Variants in WDR93 observed in about 807,000 individuals in gnomAD.
WDR93 encodes the protein WD repeat domain 93, also known as WD repeat-containing protein 93.
A neutral mutation model predicts 82.9 loss-of-function variants in WDR93; 73 were observed. That is an observed-to-expected ratio of 0.88 (90% CI 0.73 to 1.07). WDR93 has a LOEUF of 1.07. Ranked by LOEUF, WDR93 falls within the 50% of genes least tolerant of loss-of-function variation. The probability of loss-of-function intolerance (pLI) is 0.00; values close to 1 mark genes in which losing one functional copy is unlikely to be tolerated. For missense variants in WDR93, 738 were observed against 826.0 expected, an observed-to-expected ratio of 0.89 and a Z score of 1.31; for synonymous variants, 283 against 300.1, an observed-to-expected ratio of 0.94 and a Z score of 0.59.
intron 6 of WDR93, 49 bp from the exon 7 acceptor site, chr15:89,716,862 A>G: frequency 7.5e-7 from 1 of 1,333,044 alleles, no homozygotes; most frequent in Non-Finnish European, 1.1e-6. Context: ...AGGGGGTGGT[A>G]AACATACATC....
intron 8 of WDR93, among the ~76,000 whole-genome samples, chr15:89,723,063 G>A (rs186114261): frequency 5.3e-5 from 8 of 151,928 alleles, no homozygotes; most frequent in Admixed American, 1.3e-4. Flanking sequence ...AAATTAGGCA[G>A]AGTGGCATGC....
chr15:89,714,906 A>T (rs959949369), intron 5 of WDR93, 74 bp from the exon 6 acceptor site: 2 of 1,292,672 alleles, frequency 1.5e-6, no homozygotes, highest in Non-Finnish European at 2.2e-6. Flanking sequence ...TCTAAGAAGA[A>T]GACAGGCCAT....
intron 11 of WDR93, among the ~76,000 whole-genome samples, chr15:89,730,611 G>A (rs1966851394): frequency 6.6e-6 from 1 of 152,126 alleles, no homozygotes; most frequent in South Asian, 2.1e-4. Flanking sequence ...AATTTATGGA[G>A]GTGACCAGGT....
At chr15:89,725,147 G>A (rs1286394209) in intron 8 of WDR93, among the ~76,000 whole-genome samples, 1 of 152,216 alleles carries the variant, frequency 6.6e-6, no homozygotes, top group African/African-American at 2.4e-5. Flanking sequence ...AATGGTGATA[G>A]TGACATGATT....
rs143108236 is a variant in WDR93, at chr15:89,715,020, G to C, written c.681G>C (p.Lys227Asn). Residue 227 changes from lysine (K) to asparagine (N), a missense_variant, in exon 6 of 17, where the codon AAG (lysine) becomes AAC (asparagine). Coordinates refer to ENST00000268130, the MANE Select transcript of WDR93 (RefSeq NM_020212.2). ...GGCTGGATGTGTATAAATTGCCCAAGGAGACTTGGCTCAAGAAACTAGAGC... is the reference window on the plus strand; with the variant it reads ...GGCTGGATGTGTATAAATTGCCCAACGAGACTTGGCTCAAGAAACTAGAGC... ...DIWLDVYKLP[K>N]ETWLKKLEHP... 1.9e-5 allele frequency: 31 copies of C among 1,613,926 alleles called. No individual in the cohort carries two copies. The highest frequency in any genetic ancestry group is 2.3e-5 in the Non-Finnish European group (27 of 1,179,982).
chr15:89,742,646 G>A (rs886964315), intron 16 of WDR93, among the ~76,000 whole-genome samples: 110 of 152,112 alleles, frequency 7.2e-4, no homozygotes, highest in African/African-American at 2.6e-3. Flanking sequence ...CGATTCTCCT[G>A]CCTCAGCCTC....
intron 4 of WDR93, 52 bp from the exon 5 acceptor site, chr15:89,711,973 CA>C: frequency 6.9e-7 from 1 of 1,458,214 alleles, no homozygotes; most frequent in Non-Finnish European, 9.6e-7. Flanking sequence ...TCCTGAAATA[CA>C]TTCTCTGTCA....
chr15:89,718,531 G>A (rs1966366486), intron 7 of WDR93, among the ~76,000 whole-genome samples: 1 of 152,146 alleles, frequency 6.6e-6, no homozygotes, highest in Non-Finnish European at 1.5e-5. Context: ...AAAAGACTGA[G>A]GTGGGTGGAT....
chr15:89,731,433 T>C lies in WDR93; in HGVS notation c.1211-10T>C. On this transcript the variant is annotated splice_polypyrimidine_tract_variant and intron_variant, in intron 11 of 16. Transcript: ENST00000268130. The stretch of plus-strand genomic sequence containing the variant: ...TGGGGGAACCGGTTGAGTATTGTCC[T>C]TCCCCCTAGACCCCGAGGGTGTGTG... 1 of 1,613,968 alleles carries C rather than the reference T, an allele frequency of 6.2e-7. No homozygotes were observed. Among genetic ancestry groups the C allele is most frequent in the South Asian group, 1.1e-5 (1 of 91,060 alleles).
chr15:89,729,711 G>A lies in WDR93; in HGVS notation c.1152G>A (p.Trp384Ter), dbSNP rs1327208161. 2 of 1,613,010 alleles carry A rather than the reference G, an allele frequency of 1.2e-6. No homozygotes were observed. Among genetic ancestry groups the A allele is most frequent in the Non-Finnish European group, 1.7e-6 (2 of 1,179,902 alleles). Residue 384 changes from tryptophan to a stop codon, truncating the protein, a stop_gained, in exon 11 of 17, where the codon TGG becomes TGA. Coordinates refer to ENST00000268130, the MANE Select transcript of WDR93 (RefSeq NM_020212.2). LOFTEE classifies it high-confidence loss of function. The part of the protein sequence containing the change: ...SGMACVLGIH[W>*]TRSHNFFLYS... ...TGGCCTGTGTCCTTGGTATACACTG[G>A]ACCAGAAGTCACAATTTCTTCCTGT...
chr15:89,735,245 A>T (rs1967068618), intron 13 of WDR93, among the ~76,000 whole-genome samples: 1 of 152,180 alleles, frequency 6.6e-6, no homozygotes, highest in Non-Finnish European at 1.5e-5. Flanking sequence ...ATACATGTTG[A>T]TGCATGTAGC....
chr15:89,724,803 G>A (rs1435122029), intron 8 of WDR93, among the ~76,000 whole-genome samples: 2 of 152,178 alleles, frequency 1.3e-5, no homozygotes, highest in Non-Finnish European at 2.9e-5. Context: ...TAAAAAGACT[G>A]ACCACACCAA....
rs550351310 is a variant in WDR93 at position 89,740,783 on chromosome 15, T to C, written c.1962-2509T>C. Reference sequence around the variant, plus strand: ...TGCCAAAGTGGTGGGATTACAGACATGAGCCACCACGCCTGGCCTGATTTT... The same window carrying C: ...TGCCAAAGTGGTGGGATTACAGACACGAGCCACCACGCCTGGCCTGATTTT... On this transcript the variant is annotated intron_variant, in intron 16 of 16. Coordinates refer to ENST00000268130, the MANE Select transcript of WDR93 (RefSeq NM_020212.2). Among the ~76,000 whole-genome samples the C allele has an allele frequency of 8.6e-5, 13 of 151,956 alleles. No individual in the cohort carries two copies. In the East Asian group the frequency reaches 1.4e-3, roughly 16 times the overall value.
chr15:89,708,649 C>T (rs1000932810), intron 4 of WDR93, among the ~76,000 whole-genome samples: 5 of 152,186 alleles, frequency 3.3e-5, no homozygotes, highest in Non-Finnish European at 7.3e-5. Context: ...TGTATTTGGA[C>T]ACAGACAGTC....
In WDR93 at chr15:89,727,144, A is replaced by G. The variant is rs776167301; in HGVS notation, c.881-13A>G. 1.1e-5 allele frequency: 18 copies of G among 1,611,736 alleles called. No individual in the cohort carries two copies. Among genetic ancestry groups the G allele is most frequent in the Non-Finnish European group, 1.4e-5 (16 of 1,178,536 alleles). ...CACATGGCTTGACTAATTCTGTAATATTTTCAACCTAGGCACCACATTCAA... is the reference window on the plus strand; with the variant it reads ...CACATGGCTTGACTAATTCTGTAATGTTTTCAACCTAGGCACCACATTCAA... On this transcript the variant is annotated splice_polypyrimidine_tract_variant and intron_variant, in intron 8 of 16. Coordinates refer to ENST00000268130, the MANE Select transcript of WDR93 (RefSeq NM_020212.2).
At chr15:89,742,162 G>A (rs1448808988) in intron 16 of WDR93, among the ~76,000 whole-genome samples, 1 of 152,138 alleles carries the variant, frequency 6.6e-6, no homozygotes, top group East Asian at 1.9e-4. Context: ...CAGAGATGGA[G>A]GATCACTTGA....
intron 1 of WDR93, among the ~76,000 whole-genome samples, chr15:89,691,921 C>T (rs2141564745): frequency 6.6e-6 from 1 of 152,086 alleles, no homozygotes; most frequent in Non-Finnish European, 1.5e-5. Context: ...ACAAATAGAC[C>T]CTCATAATGA....
At chr15:89,735,277 A>C (rs560667415) in intron 13 of WDR93, among the ~76,000 whole-genome samples, 1 of 152,310 alleles carries the variant, frequency 6.6e-6, no homozygotes, top group East Asian at 1.9e-4. Flanking sequence ...TATTTTCATT[A>C]CCATATTATA....
intron 4 of WDR93, among the ~76,000 whole-genome samples, chr15:89,706,246 T>C (rs994555915): frequency 2.6e-5 from 4 of 152,140 alleles, no homozygotes; most frequent in Non-Finnish European, 4.4e-5. Flanking sequence ...TTGCCTACAA[T>C]ACTGTAAGTT....
Sources: gnomAD v4.1 joint callset for allele counts (sites outside exome capture counted in the v4.1 genomes callset) on GRCh38, gnomAD v4.1.1 for gene constraint, MANE v1.5 for transcripts, NCBI Gene and HGNC (gene_info 2026-07-23, HGNC 2026-07-21) for gene names.